CDK19: variants seen among roughly 807,000 people sequenced by gnomAD.
The protein encoded by CDK19 is cyclin-dependent kinase 19.
In CDK19, 20 loss-of-function variants were observed where a neutral mutation model predicts 68.3. That is an observed-to-expected ratio of 0.29 (90% CI 0.21 to 0.43). The LOEUF (loss-of-function observed/expected upper bound fraction) is 0.43, where lower values mean the gene tolerates loss of function less well. Among genes scored for constraint, CDK19 ranks in the 20% least tolerant of loss-of-function variants. CDK19 has a pLI of 1.00. For missense variants in CDK19, 339 were observed against 623.5 expected (o/e 0.54, Z 4.86); for synonymous variants, 221 against 222.8 (o/e 0.99, Z 0.07).
chr6:110,798,002 A>G (rs9487529), intron 1 of CDK19, among the ~76,000 whole-genome samples: 2,604 of 150,106 alleles, frequency 0.017, 60 homozygotes, highest in African/African-American at 0.058. Flanking sequence ...AAAAAAAAAA[A>G]AAAGAAAGAA....
In CDK19 at chr6:110,802,667, C is replaced by A. The variant is rs911802374; in HGVS notation, c.128+12342G>T. Among the ~76,000 whole-genome samples the A allele has an allele frequency of 3.3e-5, 5 of 152,098 alleles. No individual in the cohort carries two copies. The East Asian group carries it at 7.7e-4, about 23-fold the overall frequency. ...CAAACCTACCCATGTAACAAACCTG[C>A]ACATGTATCCCCAAATCTAAAATTT... On this transcript the variant is annotated intron_variant, in intron 1 of 12. Coordinates refer to ENST00000368911, the MANE Select transcript of CDK19 (RefSeq NM_015076.5).
chr6:110,646,357 T>A, intron 4 of CDK19: 1 of 1,464,628 alleles, frequency 6.8e-7, no homozygotes, highest in Non-Finnish European at 9.0e-7. Context: ...GAGTGCCTCT[T>A]CCATGTGGGC....
intron 9 of CDK19, 110 bp downstream of exon 9, chr6:110,623,180 C>T (rs1406141072): frequency 1.3e-5 from 11 of 868,464 alleles, no homozygotes; most frequent in Non-Finnish European, 1.9e-5. Flanking sequence ...TTTAATTTTA[C>T]CCCAGCATCC....
At chr6:110,632,267 A>G in intron 5 of CDK19, 106 bp from the exon 6 acceptor site, 1 of 809,542 alleles carries the variant, frequency 1.2e-6, no homozygotes, top group Non-Finnish European at 1.9e-6. Context: ...AGAACCATGC[A>G]AGGTTGACAA....
intron 1 of CDK19, among the ~76,000 whole-genome samples, chr6:110,756,885 T>A (rs1247815908): frequency 3.3e-5 from 5 of 152,184 alleles, no homozygotes; most frequent in Admixed American, 3.3e-4. Flanking sequence ...AAGTAGCAAC[T>A]GAAGAGGCAG....
intron 2 of CDK19, among the ~76,000 whole-genome samples, chr6:110,729,648 G>A (rs1437087418): frequency 7.1e-6 from 1 of 140,050 alleles, no homozygotes; most frequent in Non-Finnish European, 1.5e-5. Flanking sequence ...TCACTATGTT[G>A]GCCAGACTGG....
At chr6:110,783,304 A>G (rs1329337482) in intron 1 of CDK19, among the ~76,000 whole-genome samples, 7 of 152,182 alleles carry the variant, frequency 4.6e-5, no homozygotes, top group Non-Finnish European at 1.5e-5. Context: ...GCAAATTTCC[A>G]CATCAAGTAA....
At chr6:110,714,696 A>G (rs1399126681) in intron 2 of CDK19, among the ~76,000 whole-genome samples, 1 of 139,304 alleles carries the variant, frequency 7.2e-6, no homozygotes. Flanking sequence ...GGTGATTCAT[A>G]TATCTTCTTT....
Position 110,622,229 on chromosome 6 carries a change from T to C in CDK19, c.1032-63A>G. 10 of 1,113,888 alleles carry C rather than the reference T, an allele frequency of 9.0e-6. No homozygotes were observed. In the South Asian group the frequency reaches 1.4e-4, roughly 15 times the overall value. The allele number at this position is 1,113,888 out of a possible 1,614,324, so 69.0% of individuals were successfully genotyped here. A position where few individuals can be genotyped will look rare whatever the true frequency, so the allele number is the denominator to read the frequency against. On this transcript the variant is annotated intron_variant, in intron 10 of 12. Transcript: ENST00000368911. The stretch of plus-strand genomic sequence containing the variant: ...AAAATCTGTAATATCATTACCTTGT[T>C]AATTTAAAATTCCAATTTGTTTTTC...
intron 4 of CDK19, among the ~76,000 whole-genome samples, chr6:110,652,169 AAAAT>A (rs1308448856): frequency 1.3e-5 from 2 of 152,264 alleles, no homozygotes; most frequent in African/African-American, 2.4e-5. Flanking sequence ...AAGAAAGTAA[AAAAT>A]AAATAAATAA....
chr6:110,624,539 C>T (rs1778964871), intron 8 of CDK19, among the ~76,000 whole-genome samples: 2 of 152,042 alleles, frequency 1.3e-5, no homozygotes, highest in Admixed American at 6.5e-5. Flanking sequence ...TATAATGTCC[C>T]TTTGGTGTTT....
chr6:110,791,430 A>T (rs1781589321), intron 1 of CDK19, among the ~76,000 whole-genome samples: 1 of 152,102 alleles, frequency 6.6e-6, no homozygotes, highest in South Asian at 2.1e-4. Flanking sequence ...TCTTTAGGAA[A>T]AAAGGACAGA....
At chr6:110,698,311 A>AG (rs1382621087) in intron 2 of CDK19, among the ~76,000 whole-genome samples, 4 of 152,130 alleles carry the variant, frequency 2.6e-5, no homozygotes, top group Non-Finnish European at 4.4e-5. Context: ...CAAATCAGCA[A>AG]GAAAAAAAAA....
intron 2 of CDK19, among the ~76,000 whole-genome samples, chr6:110,737,764 G>A (rs1318094404): frequency 6.6e-6 from 1 of 152,032 alleles, no homozygotes; most frequent in African/African-American, 2.4e-5. Flanking sequence ...TCTTTATTTT[G>A]CCAAGGAAGC....
At chr6:110,640,062 A>T (rs1404729221) in intron 4 of CDK19, among the ~76,000 whole-genome samples, 5 of 151,944 alleles carry the variant, frequency 3.3e-5, no homozygotes, top group African/African-American at 1.2e-4. Context: ...TCTACAAATA[A>T]TTTTTTAAAA....
chr6:110,727,257 C>G (rs1423611651), intron 2 of CDK19, among the ~76,000 whole-genome samples: 1 of 152,116 alleles, frequency 6.6e-6, no homozygotes, highest in African/African-American at 2.4e-5. Context: ...CGCCATACCC[C>G]TTTCACTAAC....
intron 2 of CDK19, among the ~76,000 whole-genome samples, chr6:110,738,035 GA>G (rs769142875): frequency 3.3e-5 from 5 of 150,844 alleles, no homozygotes; most frequent in Admixed American, 1.3e-4. Context: ...TTAAAAGTCT[GA>G]AAAAAAAATT....
intron 2 of CDK19, among the ~76,000 whole-genome samples, chr6:110,703,151 C>A (rs1025815231): frequency 1.2e-4 from 18 of 152,076 alleles, no homozygotes; most frequent in Admixed American, 9.8e-4. Context: ...GCATTTCCCC[C>A]ACCCTACCCC....
intron 2 of CDK19, among the ~76,000 whole-genome samples, chr6:110,683,911 C>G (rs887079856): frequency 6.7e-6 from 1 of 150,226 alleles, no homozygotes; most frequent in Non-Finnish European, 1.5e-5. Context: ...GGGGTTTCAC[C>G]TTGGCCAGGC....
Sources: gnomAD v4.1 joint callset for allele counts (sites outside exome capture counted in the v4.1 genomes callset) on GRCh38, gnomAD v4.1.1 for gene constraint, MANE v1.5 for transcripts, NCBI Gene and HGNC (gene_info 2026-07-23, HGNC 2026-07-21) for gene names.